SEMA6D: variants seen among roughly 807,000 people sequenced by gnomAD.
SEMA6D encodes the protein semaphorin 6D.
In SEMA6D, 35 loss-of-function variants were observed where a neutral mutation model predicts 106.6. That is an observed-to-expected ratio of 0.33 (90% confidence interval 0.25 to 0.44). The LOEUF is 0.44. Among genes scored for constraint, SEMA6D ranks in the 20% least tolerant of loss-of-function variants. The probability of loss-of-function intolerance (pLI) is 1.00; values close to 1 mark genes in which losing one functional copy is unlikely to be tolerated. For synonymous variants in SEMA6D, 499 were observed against 487.7 expected, an observed-to-expected ratio of 1.02 and a Z score of -0.31; for missense variants, 1,185 against 1,345.9, an observed-to-expected ratio of 0.88 and a Z score of 1.87.
At chr15:47,296,920 T>C (rs938853824) in intron 1 of SEMA6D, among the ~76,000 whole-genome samples, 2 of 152,176 alleles carry the variant, frequency 1.3e-5, no homozygotes, top group Non-Finnish European at 2.9e-5. Flanking sequence ...AAACATCATC[T>C]TTACATTTCG....
At chr15:47,751,697 G>T (rs2081446067) in intron 1 of SEMA6D, among the ~76,000 whole-genome samples, 1 of 152,250 alleles carries the variant, frequency 6.6e-6, no homozygotes, top group African/African-American at 2.4e-5. Context: ...AAATTAAACT[G>T]GAGTCCAAAA....
At chr15:47,489,496 A>T (rs1206936717) in intron 3 of SEMA6D, among the ~76,000 whole-genome samples, 1 of 152,156 alleles carries the variant, frequency 6.6e-6, no homozygotes, top group East Asian at 1.9e-4. Flanking sequence ...GGGTGGATAC[A>T]GCAGTGACTC....
At chr15:47,352,839 A>G (rs2038378970) in intron 1 of SEMA6D, among the ~76,000 whole-genome samples, 1 of 152,232 alleles carries the variant, frequency 6.6e-6, no homozygotes, top group Admixed American at 6.5e-5. Flanking sequence ...CAGTCACCCA[A>G]GAGGGTTTAT....
intron 1 of SEMA6D, among the ~76,000 whole-genome samples, chr15:47,241,813 G>C (rs2032927069): frequency 6.6e-6 from 1 of 152,092 alleles, no homozygotes; most frequent in Non-Finnish European, 1.5e-5. Flanking sequence ...TCCCCAGTAG[G>C]TTCCTGAATC....
At chr15:47,517,995 T>G (rs2044443191) in intron 3 of SEMA6D, among the ~76,000 whole-genome samples, 1 of 152,166 alleles carries the variant, frequency 6.6e-6, no homozygotes, top group South Asian at 2.1e-4. Context: ...AAAGGCAGAT[T>G]GACCTGAGTG....
At chr15:47,379,983 C>T (rs1017850401) in intron 1 of SEMA6D, among the ~76,000 whole-genome samples, 17 of 152,052 alleles carry the variant, frequency 1.1e-4, no homozygotes, top group East Asian at 3.9e-4. Context: ...TCTTGAACTC[C>T]GGACCTCAGG....
rs140841272 is a variant in SEMA6D, at chr15:47,576,869, A to T, written c.-86-23996A>T. Among the ~76,000 whole-genome samples the T allele has an allele frequency of 8.7e-3, 1,317 of 152,246 alleles. 8 individuals are homozygous for T. The highest frequency in any genetic ancestry group is 0.021 in the Admixed American group (314 of 15,292). ...GCGGCTCTCGGATCTGAGCAGTTAG[A>T]TGTTTCCTTTTGTTCTTTGAGCTTT... On this transcript the variant is annotated intron_variant, in intron 3 of 19. Coordinates refer to the SEMA6D transcript ENST00000558014.
At chr15:47,714,964 G>A (rs991501562), upstream of SEMA6D, among the ~76,000 whole-genome samples, 1 of 152,196 alleles carries the variant, frequency 6.6e-6, no homozygotes, top group African/African-American at 2.4e-5. Context: ...GAGTGGGGAA[G>A]ACATGCTAAA....
At chr15:47,522,078 A>G (rs1483472004) in intron 3 of SEMA6D, among the ~76,000 whole-genome samples, 1 of 152,142 alleles carries the variant, frequency 6.6e-6, no homozygotes, top group Non-Finnish European at 1.5e-5. Context: ...TACTTGACCA[A>G]CCCAGCTCCA....
intron 4 of SEMA6D, among the ~76,000 whole-genome samples, chr15:47,613,807 A>C (rs2076956565): frequency 6.6e-6 from 1 of 152,046 alleles, no homozygotes; most frequent in Non-Finnish European, 1.5e-5. Flanking sequence ...GGCGCCCGCC[A>C]CCACGCCCAG....
At chr15:47,245,932 A>C (rs1357671089) in intron 1 of SEMA6D, among the ~76,000 whole-genome samples, 9 of 152,302 alleles carry the variant, frequency 5.9e-5, no homozygotes, top group Non-Finnish European at 1.5e-5. Context: ...GAATTAAAAA[A>C]ATCATAAACA....
chr15:47,491,497 A>T (rs538240317), intron 3 of SEMA6D, among the ~76,000 whole-genome samples: 5 of 152,320 alleles, frequency 3.3e-5, no homozygotes, highest in Non-Finnish European at 7.4e-5. Context: ...CTTCAAAACA[A>T]TATTCTTTAA....
At chr15:47,372,249 G>A (rs1048017316) in intron 1 of SEMA6D, among the ~76,000 whole-genome samples, 1 of 152,138 alleles carries the variant, frequency 6.6e-6, no homozygotes, top group Non-Finnish European at 1.5e-5. Flanking sequence ...ATCAAATTCA[G>A]ACCTGGAACC....
chr15:47,381,692 AAAG>A (rs1412655353), intron 1 of SEMA6D, among the ~76,000 whole-genome samples: 1 of 152,226 alleles, frequency 6.6e-6, no homozygotes, highest in East Asian at 1.9e-4. Flanking sequence ...CCCAACTCTA[AAAG>A]AAGAAAACAT....
At chr15:47,294,413 A>G (rs1437418422) in intron 1 of SEMA6D, among the ~76,000 whole-genome samples, 1 of 152,064 alleles carries the variant, frequency 6.6e-6, no homozygotes, top group East Asian at 1.9e-4. Context: ...TAGCAGAGAC[A>G]GGATTTCAAC....
intron 3 of SEMA6D, among the ~76,000 whole-genome samples, chr15:47,551,976 G>A (rs1435036434): frequency 6.6e-6 from 1 of 151,982 alleles, no homozygotes; most frequent in Non-Finnish European, 1.5e-5. Context: ...AATTAAAAGT[G>A]CATGCATTTT....
intron 1 of SEMA6D, among the ~76,000 whole-genome samples, chr15:47,758,144 G>A (rs769949306): frequency 3.3e-5 from 5 of 151,992 alleles, no homozygotes; most frequent in Non-Finnish European, 5.9e-5. Flanking sequence ...GATCATCCAC[G>A]AAAAAAACTG....
intron 1 of SEMA6D, among the ~76,000 whole-genome samples, chr15:47,353,695 T>C (rs1390877): frequency 0.48 from 72,706 of 152,038 alleles, 20,716 homozygotes; most frequent in South Asian, 0.62. Context: ...ATATTAATCT[T>C]ATCTTTGAGT....
At chr15:47,200,440 A>C (rs1424067154) in intron 1 of SEMA6D, among the ~76,000 whole-genome samples, 2 of 152,210 alleles carry the variant, frequency 1.3e-5, no homozygotes, top group East Asian at 3.8e-4. Context: ...TAAAATTCAC[A>C]TATCTGTTGG....
Sources: gnomAD v4.1 joint callset for allele counts (sites outside exome capture counted in the v4.1 genomes callset) on GRCh38, gnomAD v4.1.1 for gene constraint, MANE v1.5 for transcripts, NCBI Gene and HGNC (gene_info 2026-07-23, HGNC 2026-07-21) for gene names.